Variants in DNAH8 observed in about 807,000 individuals in gnomAD.
DNAH8 encodes axonemal beta dynein heavy chain 8.
In DNAH8, 382 loss-of-function variants were observed where a neutral mutation model predicts 562.1. The ratio of observed to expected loss-of-function variants is 0.68; its 90% confidence interval spans 0.63 to 0.74. DNAH8 has a LOEUF of 0.74. DNAH8 is among the 30% of genes least tolerant of loss of function. DNAH8 has a pLI of 0.00. For missense variants in DNAH8, 5,203 were observed against 5,620.4 expected (o/e 0.93, Z 2.37); for synonymous variants, 1,881 against 1,919.4 (o/e 0.98, Z 0.52).
At chr6:39,022,346 C>G (rs1459599484) in intron 91 of DNAH8, among the ~76,000 whole-genome samples, 3 of 152,212 alleles carry the variant, frequency 2.0e-5, no homozygotes, top group Admixed American at 6.5e-5. Context: ...CCCAGCTCCT[C>G]CCTGACCCTA....
intron 71 of DNAH8, among the ~76,000 whole-genome samples, chr6:38,921,964 G>A (rs903448576): frequency 6.6e-6 from 1 of 151,992 alleles, no homozygotes; most frequent in Non-Finnish European, 1.5e-5. Context: ...GGGGTCACAA[G>A]GTGCTCAGTG....
intron 62 of DNAH8, among the ~76,000 whole-genome samples, chr6:38,900,229 C>T (rs1251231675): frequency 1.3e-5 from 2 of 152,122 alleles, no homozygotes; most frequent in African/African-American, 2.4e-5. Context: ...ATCAATTGAA[C>T]TATACAGGAT....
Position 38,723,426 on chromosome 6 carries a change from C to T in DNAH8, c.480C>T (p.Gly160=), listed in dbSNP as rs1286465592. Reference sequence around the variant, plus strand: ...TTGAAATTCTAGCAGAAAATCTTGGCCTGGACATAGTAACTGTTGAAGAAT... The same window carrying T: ...TTGAAATTCTAGCAGAAAATCTTGGTCTGGACATAGTAACTGTTGAAGAAT... The part of the protein sequence containing the change: ...YIFEILAENL[G]LDIVTVEELI... Residue 160 remains glycine, a synonymous_variant, in exon 3 of 93, where the codon GGC becomes GGT. Transcript: ENST00000327475. 1 of 1,611,956 alleles carries T rather than the reference C, an allele frequency of 6.2e-7. No individual in the cohort carries two copies. The highest frequency in any genetic ancestry group is 8.5e-7 in the Non-Finnish European group (1 of 1,179,744).
At chr6:38,910,863 A>G (rs1235413610) in intron 65 of DNAH8, among the ~76,000 whole-genome samples, 1 of 152,168 alleles carries the variant, frequency 6.6e-6, no homozygotes, top group Non-Finnish European at 1.5e-5. Flanking sequence ...TACGTGAAGA[A>G]CTCTTTTTTC....
intron 92 of DNAH8, 140 bp downstream of exon 92, chr6:39,026,807 C>A: frequency 2.5e-6 from 2 of 814,196 alleles, no homozygotes; most frequent in Non-Finnish European, 3.8e-6. Flanking sequence ...AGCCAGAAGA[C>A]ATCAGTGCCA....
At chr6:38,901,902 T>C (rs1298169918) in intron 62 of DNAH8, among the ~76,000 whole-genome samples, 1 of 152,232 alleles carries the variant, frequency 6.6e-6, no homozygotes, top group Non-Finnish European at 1.5e-5. Context: ...AGCGTATTTC[T>C]GACTTTTTGA....
In DNAH8 at chr6:38,715,386, G is replaced by C. The variant is rs1191361667; in HGVS notation, c.-64G>C. The stretch of plus-strand genomic sequence containing the variant: ...GGGGCCGGCCTCAGTGGGCTGAGTG[G>C]TCGGGGCATCGGGGCCCAGAGAGCG... On this transcript the variant is annotated 5_prime_UTR_variant, in exon 1 of 93. Coordinates refer to ENST00000327475, the MANE Select transcript of DNAH8 (RefSeq NM_001206927.2). The C allele has an allele frequency of 6.6e-6, 1 of 152,386 alleles. No homozygotes were observed. Among genetic ancestry groups the C allele is most frequent in the African/African-American group, 2.4e-5 (1 of 41,478 alleles). 9.4% of individuals were successfully genotyped at this position (152,386 alleles called of 1,614,324 possible).
At position 39,012,575 on chromosome 6, in the gene DNAH8, C is replaced by A; in HGVS notation, c.13652C>A (p.Ser4551Tyr). 6.2e-7 allele frequency: 1 copy of A among 1,614,054 alleles called. No homozygotes were observed. The highest frequency in any genetic ancestry group is 8.5e-7 in the Non-Finnish European group (1 of 1,179,934). ...TELLERNAQF[S>Y]TWIFEGRPNV... ...CTTTTGGAAAGAAATGCTCAGTTTT[C>A]TACGTGGATATTTGAAGGGAGGCCT... is the stretch of plus-strand genomic sequence containing the variant. Residue 4551 changes from serine (S) to tyrosine (Y), a missense_variant, in exon 91 of 93, where the codon TCT becomes TAT. Coordinates refer to ENST00000327475, the MANE Select transcript of DNAH8 (RefSeq NM_001206927.2).
chr6:38,786,738 G>C (rs1769191679), intron 17 of DNAH8, 27 bp from the exon 18 acceptor site: 1 of 1,601,792 alleles, frequency 6.2e-7, no homozygotes, highest in African/African-American at 1.3e-5. Flanking sequence ...TTCAGAATGA[G>C]TAATGTCAAT....
intron 88 of DNAH8, among the ~76,000 whole-genome samples, chr6:39,001,917 A>T (rs1435462352): frequency 3.3e-5 from 5 of 151,826 alleles, no homozygotes; most frequent in Admixed American, 1.3e-4. Flanking sequence ...CGGGGAGGGG[A>T]TGCTGGAAAT....
intron 30 of DNAH8, among the ~76,000 whole-genome samples, chr6:38,831,867 T>A (rs1345795554): frequency 1.3e-5 from 2 of 152,208 alleles, no homozygotes; most frequent in African/African-American, 4.8e-5. Flanking sequence ...TATTGAAGGT[T>A]TAAGCAGAGT....
At chr6:38,972,467 A>G (rs970971436) in intron 83 of DNAH8, among the ~76,000 whole-genome samples, 4 of 152,224 alleles carry the variant, frequency 2.6e-5, no homozygotes. Context: ...TTTAATTTAT[A>G]CATGTATATC....
At chr6:38,806,604 G>A (rs559088993) in intron 23 of DNAH8, among the ~76,000 whole-genome samples, 63 of 152,110 alleles carry the variant, frequency 4.1e-4, no homozygotes, top group African/African-American at 1.5e-3. Flanking sequence ...CTCATAAATA[G>A]CCTCTGCCTC....
At chr6:38,772,987 T>G (rs1349023074) in intron 12 of DNAH8, among the ~76,000 whole-genome samples, 1 of 119,578 alleles carries the variant, frequency 8.4e-6, no homozygotes, top group Admixed American at 8.2e-5. Flanking sequence ...TTTTTTTTTT[T>G]TTTTTTTTTT....
intron 73 of DNAH8, among the ~76,000 whole-genome samples, chr6:38,925,329 ATTTTATTTTATTTTAT>A (rs1484171295): frequency 7.6e-6 from 1 of 131,018 alleles, no homozygotes. Flanking sequence ...ATTTTATTTT[ATTTTATTTTATTTTAT>A]TTTTTTTAGA....
At chr6:38,982,049 T>C (rs2150713000) in intron 85 of DNAH8, among the ~76,000 whole-genome samples, 1 of 152,338 alleles carries the variant, frequency 6.6e-6, no homozygotes, top group East Asian at 1.9e-4. Context: ...CTGCACAGGT[T>C]TGTAGCCTGG....
intron 62 of DNAH8, among the ~76,000 whole-genome samples, chr6:38,904,565 C>T (rs890447572): frequency 2.0e-5 from 3 of 151,810 alleles, no homozygotes; most frequent in East Asian, 1.9e-4. Context: ...CCGAGGTGGG[C>T]GGATCACCTG....
intron 11 of DNAH8, chr6:38,763,847 G>C (rs1433555780): frequency 6.5e-6 from 1 of 153,718 alleles, no homozygotes; most frequent in Admixed American, 6.6e-5. Flanking sequence ...AAAGAAGCAA[G>C]ATGGAAGAAG....
Position 38,865,792 on chromosome 6 carries a change from A to G in DNAH8, c.6499-799A>G, listed in dbSNP as rs549596763. On this transcript the variant is annotated intron_variant, in intron 45 of 92. Coordinates refer to ENST00000327475, the MANE Select transcript of DNAH8 (RefSeq NM_001206927.2). ...GCTCCTGTGGCTCAGGAAGGTTAAG[A>G]GGAGTATTGAGAGGCAGCCTCAATT... Among the ~76,000 whole-genome samples, 232 of 152,294 alleles carry G rather than the reference A, an allele frequency of 1.5e-3. 1 individual carries two copies. Among genetic ancestry groups the G allele is most frequent in the Non-Finnish European group, 2.6e-4 (18 of 68,012 alleles).
Sources: gnomAD v4.1 joint callset for allele counts (sites outside exome capture counted in the v4.1 genomes callset) on GRCh38, gnomAD v4.1.1 for gene constraint, MANE v1.5 for transcripts, NCBI Gene and HGNC (gene_info 2026-07-23, HGNC 2026-07-21) for gene names.